The following KCNH5 variants were observed in gnomAD, a reference collection of about 807,000 sequenced individuals.
The protein encoded by KCNH5 is potassium voltage-gated channel subfamily H member 5.
KCNH5 carries 46 observed loss-of-function variants against 96.1 expected under a neutral mutation model. The ratio of observed to expected loss-of-function variants is 0.48; its 90% CI spans 0.38 to 0.61. The LOEUF (loss-of-function observed/expected upper bound fraction) is 0.61, where lower values mean the gene tolerates loss of function less well. Among genes scored for constraint, KCNH5 ranks in the 20% least tolerant of loss-of-function variants. The pLI is 0.00. For synonymous variants in KCNH5, 439 were observed against 449.8 expected, an observed-to-expected ratio of 0.98 and a Z score of 0.30; for missense variants, 907 against 1,225.8, an observed-to-expected ratio of 0.74 and a Z score of 3.88.
chr14:62,753,047 G>T (rs7146105), intron 10 of KCNH5, among the ~76,000 whole-genome samples: 85,946 of 152,024 alleles, frequency 0.57, 24,958 homozygotes, highest in East Asian at 0.86. Context: ...ATATGTCACC[G>T]TTCAGAAGCA....
intron 6 of KCNH5, among the ~76,000 whole-genome samples, chr14:62,972,626 T>C (rs1194035299): frequency 6.6e-6 from 1 of 152,052 alleles, no homozygotes; most frequent in Non-Finnish European, 1.5e-5. Flanking sequence ...AGTAGGTGAA[T>C]GAATAAATAA....
intron 7 of KCNH5, among the ~76,000 whole-genome samples, chr14:62,916,000 G>A (rs1889267125): frequency 6.7e-6 from 1 of 149,284 alleles, no homozygotes; most frequent in South Asian, 2.1e-4. Context: ...TGTCTCCCAG[G>A]CTGGAGTGCA....
intron 7 of KCNH5, among the ~76,000 whole-genome samples, chr14:62,898,995 G>A (rs1236702338): frequency 6.6e-6 from 1 of 151,828 alleles, no homozygotes; most frequent in East Asian, 1.9e-4. Context: ...CACTGTAAAG[G>A]GAGATTTTGA....
intron 7 of KCNH5, among the ~76,000 whole-genome samples, chr14:62,885,102 T>C (rs1257886637): frequency 2.6e-5 from 4 of 152,206 alleles, no homozygotes; most frequent in African/African-American, 9.6e-5. Flanking sequence ...TGATAGTAAT[T>C]ATGATATTTC....
chr14:62,818,359 A>G (rs117744201), intron 8 of KCNH5, among the ~76,000 whole-genome samples: 2,213 of 152,292 alleles, frequency 0.015, 26 homozygotes, highest in Non-Finnish European at 0.022. Flanking sequence ...ATTTTTGTCA[A>G]TTATACCTCA....
At chr14:62,799,434 G>T (rs966730603) in intron 9 of KCNH5, among the ~76,000 whole-genome samples, 1 of 151,116 alleles carries the variant, frequency 6.6e-6, no homozygotes, top group Non-Finnish European at 1.5e-5. Flanking sequence ...TTAGCCGGGC[G>T]TGGTGGTGCA....
chr14:63,041,152 C>A (rs979000279), intron 1 of KCNH5, among the ~76,000 whole-genome samples: 5 of 152,074 alleles, frequency 3.3e-5, no homozygotes, highest in African/African-American at 9.7e-5. Flanking sequence ...TTGAAGACAA[C>A]ATATGAGTAA....
intron 1 of KCNH5, among the ~76,000 whole-genome samples, chr14:63,042,922 T>C (rs1270756306): frequency 6.6e-6 from 1 of 152,126 alleles, no homozygotes; most frequent in African/African-American, 2.4e-5. Flanking sequence ...CTTTGAGTAG[T>C]GGTATTCAAA....
intron 1 of KCNH5, among the ~76,000 whole-genome samples, chr14:63,043,446 T>C (rs1321334837): frequency 6.6e-6 from 1 of 152,164 alleles, no homozygotes; most frequent in Non-Finnish European, 1.5e-5. Context: ...TTCCCCAAAC[T>C]GTTTTAAGAG....
chr14:62,792,442 A>C (rs147590796), intron 9 of KCNH5, among the ~76,000 whole-genome samples: 123 of 151,740 alleles, frequency 8.1e-4, no homozygotes, highest in African/African-American at 2.8e-3. Context: ...GATAATAAAC[A>C]TGCTGATTAT....
At chr14:62,908,805 T>TTTTTTTTTTTTTTTTTTTTTTA (rs1889084422) in intron 7 of KCNH5, among the ~76,000 whole-genome samples, 1 of 134,420 alleles carries the variant, frequency 7.4e-6, no homozygotes, top group Non-Finnish European at 1.6e-5. Flanking sequence ...TTTTTTTTTT[T>TTTTTTTTTTTTTTTTTTTTTTA]TTTTTTTTGC....
chr14:62,854,283 T>C (rs184385749), intron 7 of KCNH5, among the ~76,000 whole-genome samples: 1 of 152,294 alleles, frequency 6.6e-6, no homozygotes, highest in East Asian at 1.9e-4. Flanking sequence ...TATAGACCAG[T>C]TCCTAGAACA....
rs76370510 is a variant in KCNH5, at chr14:62,780,476, C to T, written c.1823-552G>A. On this transcript the variant is annotated intron_variant, in intron 9 of 10. Coordinates refer to ENST00000322893, the MANE Select transcript of KCNH5 (RefSeq NM_139318.5). ...ACCTAGTCAACCTTATACAGGTTCT[C>T]GGAGTCCAGCCCAAGAGCTCCCCAT... 6.4e-4 allele frequency among the ~76,000 whole-genome samples: 98 copies of T among 152,250 alleles called. 1 individual carries two copies. In the East Asian group the frequency reaches 0.018, roughly 28 times the overall value.
At chr14:62,934,747 A>G (rs1336109471) in intron 7 of KCNH5, among the ~76,000 whole-genome samples, 1 of 152,166 alleles carries the variant, frequency 6.6e-6, no homozygotes, top group Non-Finnish European at 1.5e-5. Flanking sequence ...AATAATCTTA[A>G]AAGCATAGAT....
chr14:62,790,063 G>C (rs920538475), intron 9 of KCNH5, among the ~76,000 whole-genome samples: 27 of 132,732 alleles, frequency 2.0e-4, no homozygotes, highest in Non-Finnish European at 2.4e-4. Context: ...TCCATTTTGA[G>C]TTGACTTTTT....
At chr14:62,866,887 T>A (rs1407546109) in intron 7 of KCNH5, among the ~76,000 whole-genome samples, 2 of 152,180 alleles carry the variant, frequency 1.3e-5, no homozygotes, top group Admixed American at 6.5e-5. Context: ...TAATTGATAC[T>A]CTTGCAAACA....
chr14:62,901,178 A>G (rs1337201276), intron 7 of KCNH5, among the ~76,000 whole-genome samples: 1 of 151,560 alleles, frequency 6.6e-6, no homozygotes, highest in African/African-American at 2.4e-5. Flanking sequence ...CATTCCCAAA[A>G]GTTTTATTCG....
intron 7 of KCNH5, among the ~76,000 whole-genome samples, chr14:62,858,409 G>C (rs1887970861): frequency 6.6e-6 from 1 of 152,130 alleles, no homozygotes; most frequent in South Asian, 2.1e-4. Flanking sequence ...TGCCCTAATG[G>C]ATCTCCTGTA....
chr14:62,967,523 C>A (rs1361114954), intron 6 of KCNH5, among the ~76,000 whole-genome samples: 1 of 152,126 alleles, frequency 6.6e-6, no homozygotes, highest in East Asian at 1.9e-4. Context: ...TAACCCTTTA[C>A]CTAAATATAA....
Sources: gnomAD v4.1 joint callset for allele counts (sites outside exome capture counted in the v4.1 genomes callset) on GRCh38, gnomAD v4.1.1 for gene constraint, MANE v1.5 for transcripts, NCBI Gene and HGNC (gene_info 2026-07-23, HGNC 2026-07-21) for gene names.